PCDHGA3: variants seen among roughly 807,000 people sequenced by gnomAD.
PCDHGA3 encodes the protein protocadherin gamma subfamily A, 3, also known as protocadherin gamma-A3.
PCDHGA3 carries 40 observed loss-of-function variants against 58.5 expected under a neutral mutation model. The observed-to-expected ratio is 0.68, with a 90% CI of 0.53 to 0.89. PCDHGA3 has a LOEUF of 0.89. Ranked by LOEUF, PCDHGA3 falls within the 40% of genes least tolerant of loss-of-function variation. The pLI, the probability that PCDHGA3 is intolerant of heterozygous loss-of-function variation, is 0.00. For synonymous variants in PCDHGA3, 530 were observed against 525.7 expected (o/e 1.01, Z -0.11); for missense variants, 1,223 against 1,195.9 (o/e 1.02, Z -0.33).
At chr5:141,408,917 C>T (rs549266523) in intron 1 of PCDHGA3, 2 of 1,613,248 alleles carry the variant, frequency 1.2e-6, no homozygotes, top group Non-Finnish European at 8.5e-7. Context: ...CAATGATAAC[C>T]CCCCGGTTTT....
chr5:141,471,730 G>A (rs535784858), intron 1 of PCDHGA3, among the ~76,000 whole-genome samples: 1 of 152,292 alleles, frequency 6.6e-6, no homozygotes, highest in East Asian at 1.9e-4. Context: ...GGTAAGGAAG[G>A]TTGGAGACAT....
intron 1 of PCDHGA3, chr5:141,357,359 AC>A: frequency 1.2e-6 from 2 of 1,614,134 alleles, no homozygotes; most frequent in Non-Finnish European, 1.7e-6. Flanking sequence ...AGACGCTGGC[AC>A]AAGTCACGCC....
intron 1 of PCDHGA3, chr5:141,405,417 TTTTTG>T (rs767701229): frequency 7.0e-6 from 11 of 1,563,080 alleles, no homozygotes; most frequent in Non-Finnish European, 8.7e-6. Flanking sequence ...CTTTTTTTGT[TTTTTG>T]TTTTGTTTTG....
Position 141,467,771 on chromosome 5 carries a change from A to G in PCDHGA3, c.2425-27036A>G, listed in dbSNP as rs542500016. Among the ~76,000 whole-genome samples, 11 of 151,422 alleles carry G rather than the reference A, an allele frequency of 7.3e-5. No individual in the cohort carries two copies. The South Asian group carries it at 2.3e-3, about 32-fold the overall frequency. On this transcript the variant is annotated intron_variant, in intron 1 of 3. Transcript: ENST00000253812. Reference sequence around the variant, plus strand: ...CCGCCTCACATGCTCAAGTGCCCGCACCTCAGCCTCTCAAGTAGCTGGGAC... The same window carrying G: ...CCGCCTCACATGCTCAAGTGCCCGCGCCTCAGCCTCTCAAGTAGCTGGGAC...
In PCDHGA3 at chr5:141,346,178, G is replaced by C. The variant is rs770120119; in HGVS notation, c.2145G>C (p.Arg715Ser). 1.9e-6 allele frequency: 3 copies of C among 1,614,056 alleles called. No individual in the cohort carries two copies. Among genetic ancestry groups the C allele is most frequent in the South Asian group, 2.2e-5 (2 of 91,076 alleles). Residue 715 changes from arginine (R) to serine (S), a missense_variant, in exon 1 of 4, where the codon AGG becomes AGC. Physicochemically the swap from Arg to Ser is moderately radical, Grantham distance 110 (BLOSUM62 -1). Around this residue, in one of 3 missense-constraint regions of PCDHGA3, gnomAD observed 325 missense variants for 327.5 expected, o/e 0.99. Coordinates refer to ENST00000253812, the MANE Select transcript of PCDHGA3 (RefSeq NM_018916.4). ...LAFVIVLLAL[R>S]LRRWHKSRLL... ...TCGTCATCGTGCTGCTGGCGCTCAG[G>C]CTGCGGCGCTGGCACAAGTCACGCC...
Position 141,403,717 on chromosome 5 carries a change from G to A in PCDHGA3, c.2424+57260G>A, listed in dbSNP as rs1561689674. On this transcript the variant is annotated intron_variant, in intron 1 of 3. Transcript: ENST00000253812. Reference sequence around the variant, plus strand: ...ACCGAGTTAAAGTCCTTGAGAACGTGCCCCCAGGCACCTGGCTGCTTACTG... The same window carrying A: ...ACCGAGTTAAAGTCCTTGAGAACGTACCCCCAGGCACCTGGCTGCTTACTG... 3 of 1,613,936 alleles carry A rather than the reference G, an allele frequency of 1.9e-6. No homozygotes were observed. In the South Asian group the frequency reaches 3.3e-5, roughly 18 times the overall value.
chr5:141,413,630 C>T (rs746896115), intron 1 of PCDHGA3: 2 of 1,613,692 alleles, frequency 1.2e-6, no homozygotes, highest in Admixed American at 3.3e-5. Flanking sequence ...AATGTCGCTG[C>T]GGGAATGCGT....
At chr5:141,398,775 C>T in intron 1 of PCDHGA3, 1 of 1,613,926 alleles carries the variant, frequency 6.2e-7, no homozygotes, top group African/African-American at 1.3e-5. Flanking sequence ...CTGCCTTGGA[C>T]GGTGGACATC....
chr5:141,443,274 A>G (rs1259320198), intron 1 of PCDHGA3, among the ~76,000 whole-genome samples: 12 of 151,534 alleles, frequency 7.9e-5, no homozygotes, highest in African/African-American at 1.7e-4. Context: ...TGAGCCCAGG[A>G]GTTTGAGACC....
chr5:141,472,337 C>T (rs1327386198), intron 1 of PCDHGA3, among the ~76,000 whole-genome samples: 1 of 151,764 alleles, frequency 6.6e-6, no homozygotes, highest in Non-Finnish European at 1.5e-5. Context: ...GTTGGGAGAT[C>T]GAGACCATCC....
At chr5:141,438,607 T>C (rs924136790) in intron 1 of PCDHGA3, among the ~76,000 whole-genome samples, 2 of 27,412 alleles carry the variant, frequency 7.3e-5, no homozygotes. Flanking sequence ...TATATATATA[T>C]ATATATATAT....
At chr5:141,413,234 T>C (rs2095618811) in intron 1 of PCDHGA3, 2 of 1,613,838 alleles carry the variant, frequency 1.2e-6, no homozygotes, top group Non-Finnish European at 1.7e-6. Context: ...CTGGTCCTGC[T>C]CTGCCTTTTC....
At position 141,371,726 on chromosome 5, in the gene PCDHGA3, T is replaced by A. The variant is rs769173416; in HGVS notation, c.2424+25269T>A. The A allele has an allele frequency of 9.9e-6, 16 of 1,613,932 alleles. 2 individuals carry two copies. In the South Asian group the frequency reaches 1.3e-4, roughly 13 times the overall value. The stretch of plus-strand genomic sequence containing the variant: ...AGACCATCACTCTGCACATCCTTGA[T>A]GTCAACGACAACGTTCCCGTTTTCC... On this transcript the variant is annotated intron_variant, in intron 1 of 3. Coordinates refer to ENST00000253812, the MANE Select transcript of PCDHGA3 (RefSeq NM_018916.4).
At chr5:141,380,998 A>G (rs1382906356) in intron 1 of PCDHGA3, among the ~76,000 whole-genome samples, 1 of 152,262 alleles carries the variant, frequency 6.6e-6, no homozygotes, top group East Asian at 1.9e-4. Context: ...CAGTTTACAG[A>G]ATTCATCTAT....
Position 141,485,172 on chromosome 5 carries a change from C to A in PCDHGA3, c.2425-9635C>A. ...CAAGTAGAGAATTAGCGGGCGGCAG[C>A]AATGCTCCGCAAGGTGAGAAGCTGG... On this transcript the variant is annotated intron_variant, in intron 1 of 3. Transcript: ENST00000253812. The surrounding 1 kb of genome is among the most constrained non-coding windows in gnomAD (Gnocchi z 5.7). 6.2e-7 allele frequency: 1 copy of A among 1,610,164 alleles called. No individual in the cohort carries two copies. The highest frequency in any genetic ancestry group is 8.5e-7 in the Non-Finnish European group (1 of 1,176,940).
intron 1 of PCDHGA3, chr5:141,399,717 C>T (rs748626326): frequency 3.1e-6 from 5 of 1,613,320 alleles, no homozygotes; most frequent in Non-Finnish European, 4.2e-6. Context: ...CACTACAGGC[C>T]CGCGACCAGG....
chr5:141,412,170 A>G (rs1015665615), intron 1 of PCDHGA3: 2 of 152,230 alleles, frequency 1.3e-5, no homozygotes, highest in Non-Finnish European at 1.5e-5. Context: ...GATTATTTAT[A>G]CTGGTATTAA....
chr5:141,507,816 TG>T (rs1478957063), intron 3 of PCDHGA3, among the ~76,000 whole-genome samples: 1 of 152,130 alleles, frequency 6.6e-6, no homozygotes, highest in African/African-American at 2.4e-5. Flanking sequence ...GAACGGACCC[TG>T]GGGGTGGAGG....
chr5:141,351,097 C>T (rs1233057800), intron 1 of PCDHGA3: 1 of 1,614,100 alleles, frequency 6.2e-7, no homozygotes, highest in East Asian at 2.2e-5. Flanking sequence ...ATGCCTTCCT[C>T]AATTCCCCAA....
Sources: allele counts gnomAD v4.1 joint callset (sites outside exome capture counted in the v4.1 genomes callset), GRCh38; gene constraint gnomAD v4.1.1; regional missense constraint gnomAD v4.1.1; non-coding constraint Gnocchi (gnomAD v3.1); transcripts MANE v1.5; gene names NCBI Gene and HGNC (gene_info 2026-07-23, HGNC 2026-07-21).